The following CFHR4 variants were observed in gnomAD, a reference collection of about 807,000 sequenced individuals.
CFHR4 encodes complement factor H-related protein 4.
A neutral mutation model predicts 69.3 loss-of-function variants in CFHR4; 64 were observed. That is an observed-to-expected ratio of 0.92 (90% confidence interval 0.76 to 1.14). CFHR4 has a LOEUF of 1.14. Among genes scored for constraint, CFHR4 ranks in the 50% most tolerant of loss-of-function variants. The probability of loss-of-function intolerance (pLI) is 0.00; values close to 1 mark genes in which losing one functional copy is unlikely to be tolerated. For synonymous variants in CFHR4, 244 were observed against 237.0 expected (o/e 1.03, Z -0.27); for missense variants, 636 against 684.9 (o/e 0.93, Z 0.80).
chr1:196,897,461 C>G (rs541867195), intron 1 of CFHR4, among the ~76,000 whole-genome samples: 20 of 151,714 alleles, frequency 1.3e-4, no homozygotes, highest in Admixed American at 1.1e-3. Flanking sequence ...CTTCTGTATC[C>G]TGAGCTCTTG....
At chr1:196,909,229 T>C (rs931613410) in intron 5 of CFHR4, among the ~76,000 whole-genome samples, 16 of 151,448 alleles carry the variant, frequency 1.1e-4, no homozygotes, top group African/African-American at 3.9e-4. Context: ...AGGAAAGGAT[T>C]ATAATTATCT....
chr1:196,903,790 T>A (rs1208657091), intron 2 of CFHR4, among the ~76,000 whole-genome samples: 1 of 151,432 alleles, frequency 6.6e-6, no homozygotes, highest in East Asian at 1.9e-4. Flanking sequence ...AATGCATTGA[T>A]TTAAGTAGAT....
chr1:196,897,427 A>G (rs987189856), intron 1 of CFHR4, among the ~76,000 whole-genome samples: 4 of 151,550 alleles, frequency 2.6e-5, no homozygotes, highest in Non-Finnish European at 5.9e-5. Context: ...CCTTATCTCA[A>G]GAGCCTGGGG....
chr1:196,910,266 GT>G lies in CFHR4; in HGVS notation c.800-9del. On this transcript the variant is annotated splice_polypyrimidine_tract_variant and intron_variant, in intron 5 of 9. Transcript: ENST00000608469. The stretch of plus-strand genomic sequence containing the variant: ...GTGAAACATTATTTATACTATTTTT[GT>G]TTTTTGTTACAAGCAATGAAACCTT... The G allele has an allele frequency of 6.6e-7, 1 of 1,509,222 alleles. No homozygotes were observed. The highest frequency in any genetic ancestry group is 9.0e-7 in the Non-Finnish European group (1 of 1,114,762). 93.5% of individuals were successfully genotyped at this position (1,509,222 alleles called of 1,614,324 possible).
chr1:196,916,063 T>C (rs1042699370), intron 9 of CFHR4, among the ~76,000 whole-genome samples: 19 of 151,510 alleles, frequency 1.3e-4, no homozygotes, highest in African/African-American at 4.6e-4. Flanking sequence ...ACCCATTGCT[T>C]TTCCATTTTT....
Position 196,907,011 on chromosome 1 carries a change from G to A in CFHR4, c.590G>A (p.Gly197Asp), listed in dbSNP as rs766295702. 1 of 1,611,150 alleles carries A rather than the reference G, an allele frequency of 6.2e-7. No homozygotes were observed. The highest frequency in any genetic ancestry group is 8.5e-7 in the Non-Finnish European group (1 of 1,179,128). The change falls in exon 4 of 10, where the codon GGC (glycine) becomes GAC (aspartate). Residue 197 changes from glycine to aspartate, a missense_variant. Transcript: ENST00000608469. ...GATTCCATAGTGTGTGGTGAAGATG[G>A]CTGGTCCCATTTGCCAACATGCTAT... Reference protein sequence around the residue: ...TTDSIVCGEDGWSHLPTCYNS... With the variant: ...TTDSIVCGEDDWSHLPTCYNS...
intron 1 of CFHR4, among the ~76,000 whole-genome samples, chr1:196,901,024 AAAAG>A (rs1264992580): frequency 6.6e-6 from 1 of 151,528 alleles, no homozygotes; most frequent in African/African-American, 2.4e-5. Flanking sequence ...TAATCAAACA[AAAAG>A]AAATAGATTG....
rs186237497 is a variant in CFHR4 at position 196,916,826 on chromosome 1, A to G, written c.1541-1384A>G. Among the ~76,000 whole-genome samples the G allele has an allele frequency of 1.6e-3, 238 of 151,640 alleles. 4 individuals are homozygous for G. Among genetic ancestry groups the G allele is most frequent in the African/African-American group, 5.3e-3 (220 of 41,194 alleles). ...TATCTGAAGATACAAGATCAGTTCC[A>G]TGATACAAGCAAGACTTTCAGTCTT... is the stretch of plus-strand genomic sequence containing the variant. On this transcript the variant is annotated intron_variant, in intron 9 of 9. Coordinates refer to ENST00000608469, the MANE Select transcript of CFHR4 (RefSeq NM_001201550.3).
intron 9 of CFHR4, among the ~76,000 whole-genome samples, chr1:196,917,812 C>T (rs1571459327): frequency 1.3e-5 from 2 of 151,574 alleles, no homozygotes; most frequent in Non-Finnish European, 1.5e-5. Context: ...AATGTGAGTA[C>T]ATTTGGAGTG....
At chr1:196,904,583 C>T (rs916538473) in intron 2 of CFHR4, among the ~76,000 whole-genome samples, 1 of 151,282 alleles carries the variant, frequency 6.6e-6, no homozygotes, top group Non-Finnish European at 1.5e-5. Flanking sequence ...TTTGTTTTTT[C>T]CTGCTTACAT....
At chr1:196,901,814 A>G (rs1384055703) in intron 1 of CFHR4, among the ~76,000 whole-genome samples, 1 of 150,910 alleles carries the variant, frequency 6.6e-6, no homozygotes, top group African/African-American at 2.5e-5. Context: ...AAAAATTAAT[A>G]AAAATGCTTA....
chr1:196,901,309 A>C (rs1411467007), intron 1 of CFHR4, among the ~76,000 whole-genome samples: 1 of 151,464 alleles, frequency 6.6e-6, no homozygotes, highest in Non-Finnish European at 1.5e-5. Context: ...TAGGCCAAGA[A>C]TCTATACCTA....
At position 196,905,138 on chromosome 1, in the gene CFHR4, A is replaced by C; in HGVS notation, c.287A>C (p.Glu96Ala). The change falls in exon 3 of 10, where the codon GAA (glutamate) becomes GCA (alanine). Residue 96 changes from glutamate (E) to alanine (A), a missense_variant. Physicochemically the swap from Glu to Ala is moderately radical, Grantham distance 107 (BLOSUM62 -1). Coordinates refer to ENST00000608469, the MANE Select transcript of CFHR4 (RefSeq NM_001201550.3). ...RTCSKSDVEI[E>A]NGFISESSSI... is the part of the protein sequence containing the mutation. ...TGCTCAAAATCAGATGTAGAAATTG[A>C]AAATGGATTCATTTCTGAATCTTCC... 6.2e-7 allele frequency: 1 copy of C among 1,602,986 alleles called. No homozygotes were observed. Among genetic ancestry groups the C allele is most frequent in the Non-Finnish European group, 8.5e-7 (1 of 1,175,518 alleles).
intron 6 of CFHR4, among the ~76,000 whole-genome samples, chr1:196,912,399 A>C (rs2124969439): frequency 6.6e-6 from 1 of 151,664 alleles, no homozygotes; most frequent in African/African-American, 2.4e-5. Flanking sequence ...AGTACCAAAA[A>C]TACTCAGGTT....
At chr1:196,911,340 G>A (rs145586329) in intron 6 of CFHR4, among the ~76,000 whole-genome samples, 8 of 151,380 alleles carry the variant, frequency 5.3e-5, no homozygotes, top group South Asian at 2.1e-4. Flanking sequence ...AATAGACTAC[G>A]GATTAAAGTA....
At chr1:196,894,651 A>G (rs1377607487) in intron 1 of CFHR4, among the ~76,000 whole-genome samples, 1 of 151,490 alleles carries the variant, frequency 6.6e-6, no homozygotes, top group Admixed American at 6.6e-5. Context: ...TGGCCTATAA[A>G]CTTCTGATGA....
intron 1 of CFHR4, among the ~76,000 whole-genome samples, chr1:196,888,567 A>C (rs1656851481): frequency 6.6e-6 from 1 of 151,134 alleles, no homozygotes; most frequent in African/African-American, 2.4e-5. Context: ...TACAAGGGAA[A>C]CTTTGGGAGT....
At position 196,918,268 on chromosome 1, in the gene CFHR4, A is replaced by C. The variant is rs548391543; in HGVS notation, c.1599A>C (p.Lys533Asn). 387 of 1,608,272 alleles carry C rather than the reference A, an allele frequency of 2.4e-4. 9 individuals carry two copies. The South Asian group carries it at 4.2e-3, about 17-fold the overall frequency. The change falls in exon 10 of 10, where the codon AAA becomes AAC. Residue 533 changes from lysine (K) to asparagine (N), a missense_variant. By Grantham distance (94) the Lys-to-Asn change is moderately conservative. Transcript: ENST00000608469. Reference sequence around the variant, plus strand: ...AAAATAACATACAGTTAAAAGGAAAAAGTGACATAAAATATTATGCAAAAA... The same window carrying C: ...AAAATAACATACAGTTAAAAGGAAACAGTGACATAAAATATTATGCAAAAA... ...MNKNNIQLKG[K>N]SDIKYYAKTG...
intron 9 of CFHR4, among the ~76,000 whole-genome samples, chr1:196,917,020 G>A (rs1658676259): frequency 1.3e-5 from 2 of 151,520 alleles, no homozygotes; most frequent in Admixed American, 1.3e-4. Flanking sequence ...AGTATTTAGA[G>A]TTCAAATAAT....
Sources: allele counts gnomAD v4.1 joint callset (sites outside exome capture counted in the v4.1 genomes callset), GRCh38; gene constraint gnomAD v4.1.1; transcripts MANE v1.5; gene names NCBI Gene and HGNC (gene_info 2026-07-23, HGNC 2026-07-21).